The following NBPF26 variants were observed in gnomAD, a reference collection of about 807,000 sequenced individuals.
NBPF26 encodes NBPF member 26.
Under a neutral mutation model 119.6 loss-of-function variants are expected in NBPF26, and 79 were observed. The observed-to-expected ratio is 0.66, with a 90% CI of 0.55 to 0.80. NBPF26 has a LOEUF of 0.80. Among genes scored for constraint, NBPF26 ranks in the 30% least tolerant of loss-of-function variants. The pLI, the probability that NBPF26 is intolerant of heterozygous loss-of-function variation, is 0.00. For synonymous variants in NBPF26, 299 were observed against 457.7 expected (o/e 0.65, Z 4.43); for missense variants, 800 against 1,198.2 (o/e 0.67, Z 4.91).
chr1:120,822,371 CTG>C (rs1652137433), intron 16 of NBPF26, 104 bp downstream of exon 16: 1 of 680,928 alleles, frequency 1.5e-6, no homozygotes, highest in Admixed American at 3.3e-5. Context: ...TTTGCCATCA[CTG>C]TGGGCTGAAC....
At chr1:120,825,412 T>C (rs2101541159) in intron 18 of NBPF26, among the ~76,000 whole-genome samples, 102 bp from the exon 20 acceptor site, 2 of 120,914 alleles carry the variant, frequency 1.7e-5, no homozygotes, top group East Asian at 4.2e-4. Context: ...ATCTGTCCTT[T>C]TTCTTTTTAA....
chr1:120,840,407 T>C (rs1571050231), exon 30 of NBPF26: 4 of 1,465,252 alleles, frequency 2.7e-6, no homozygotes, highest in Non-Finnish European at 3.7e-6. Flanking sequence ...ACTCACTGGA[T>C]ATATGTTATT....
At chr1:120,730,937 C>T (rs1249185617) in intron 1 of NBPF26, among the ~76,000 whole-genome samples, 1 of 21,596 alleles carries the variant, frequency 4.6e-5, no homozygotes, top group Non-Finnish European at 7.9e-5. Context: ...GTGTGGGAAT[C>T]ATTGACCAAG....
rs1351284813 is a variant in NBPF26, at chr1:120,777,456, C to T, written c.156-7518C>T. Reference sequence around the variant, plus strand: ...ATAAAAGTGTGTATGTGTGTGTGTACGTGTGTGAGAGTGAGAGATTGTATA... The same window carrying T: ...ATAAAAGTGTGTATGTGTGTGTGTATGTGTGTGAGAGTGAGAGATTGTATA... On this transcript the variant is annotated intron_variant, in intron 2 of 29. Coordinates refer to ENST00000620612, the Ensembl canonical transcript of NBPF26. 7.6e-5 allele frequency among the ~76,000 whole-genome samples: 8 copies of T among 105,258 alleles called. 1 individual carries two copies. Among genetic ancestry groups the T allele is most frequent in the East Asian group, 4.8e-4 (2 of 4,156 alleles). The allele number at this position is 105,258 out of a possible 152,430, so 69.1% of individuals were successfully genotyped here.
At chr1:120,810,277 C>CT in intron 8 of NBPF26, 70 bp from the exon 9 acceptor site, 1 of 1,461,124 alleles carries the variant, frequency 6.8e-7, no homozygotes, top group Non-Finnish European at 9.3e-7. Context: ...TCAAAACCAG[C>CT]TAGGACTCCA....
intron 17 of NBPF26, among the ~76,000 whole-genome samples, 174 bp from the exon 18 acceptor site, chr1:120,823,800 T>C (rs1183857832): frequency 0.046 from 4,442 of 96,844 alleles, 1,023 homozygotes; most frequent in African/African-American, 0.21. Flanking sequence ...GTCTTTCATC[T>C]TTTTCTACCT....
rs1343472490 is a variant in NBPF26, at chr1:120,789,521, C to G, written c.416-3640C>G. Reference sequence around the variant, plus strand: ...AAAGCAGAACCCCTGAGGAACCCATCAGATCTCATGAGACTTATTCACTAT... The same window carrying G: ...AAAGCAGAACCCCTGAGGAACCCATGAGATCTCATGAGACTTATTCACTAT... On this transcript the variant is annotated intron_variant, in intron 3 of 29. Coordinates refer to ENST00000620612, the Ensembl canonical transcript of NBPF26. Among the ~76,000 whole-genome samples, 13 of 111,884 alleles carry G rather than the reference C, an allele frequency of 1.2e-4. 4 individuals are homozygous for G. Among genetic ancestry groups the G allele is most frequent in the African/African-American group, 6.6e-4 (12 of 18,170 alleles). The allele number at this position is 111,884 out of a possible 152,430, so 73.4% of individuals were successfully genotyped here.
chr1:120,801,547 G>C (rs1651581708), intron 4 of NBPF26, among the ~76,000 whole-genome samples: 1 of 92,810 alleles, frequency 1.1e-5, no homozygotes, highest in Admixed American at 1.1e-4. Context: ...AAGCATTTCA[G>C]GGCCAGGCTC....
rs1228456696 is a variant in NBPF26 at position 120,816,991 on chromosome 1, T to C, written c.2371+164T>C. ...TCCTTCTCAGCTAATGTCATGACTTTGTCTGCCAGTCCCCAGTATCAAGTT... is the reference window on the plus strand; with the variant it reads ...TCCTTCTCAGCTAATGTCATGACTTCGTCTGCCAGTCCCCAGTATCAAGTT... On this transcript the variant is annotated intron_variant, in intron 14 of 29. Coordinates refer to ENST00000620612, the Ensembl canonical transcript of NBPF26. Among the ~76,000 whole-genome samples, 3 of 120,058 alleles carry C rather than the reference T, an allele frequency of 2.5e-5. 1 individual carries two copies. The highest frequency in any genetic ancestry group is 4.9e-5 in the Non-Finnish European group (3 of 61,216). 78.8% of individuals were successfully genotyped at this position (120,058 alleles called of 152,430 possible). A position where few individuals can be genotyped will look rare whatever the true frequency, so the allele number is the denominator to read the frequency against.
Position 120,759,269 on chromosome 1 carries a change from T to A in NBPF26, c.74-4359T>A, listed in dbSNP as rs1191728778. ...TTGAAATCTACTACTTCTTTTTGCT[T>A]TTTTTTTTTTTTTTTTTTTTTGGTG... On this transcript the variant is annotated intron_variant, in intron 1 of 29. Coordinates refer to ENST00000620612, the Ensembl canonical transcript of NBPF26. 2.8e-4 allele frequency among the ~76,000 whole-genome samples: 15 copies of A among 52,884 alleles called. No homozygotes were observed. In the East Asian group the frequency reaches 5.3e-3, roughly 19 times the overall value. 34.7% of individuals were successfully genotyped at this position (52,884 alleles called of 152,430 possible).
chr1:120,751,733 CT>C (rs1206552487), intron 1 of NBPF26, among the ~76,000 whole-genome samples: 6 of 5,838 alleles, frequency 1.0e-3, no homozygotes, highest in Admixed American at 7.4e-3. Context: ...TTTTTTCTTT[CT>C]TTTTTTTCTT....
intron 3 of NBPF26, among the ~76,000 whole-genome samples, chr1:120,792,471 AG>A (rs1651502353): frequency 1.0e-5 from 1 of 100,114 alleles, no homozygotes. Flanking sequence ...TTGCCAAGAT[AG>A]GGAGAGTTCA....
chr1:120,804,654 A>T (rs1377914139), intron 4 of NBPF26, among the ~76,000 whole-genome samples: 1 of 120,350 alleles, frequency 8.3e-6, no homozygotes, highest in African/African-American at 4.4e-5. Flanking sequence ...TATAAGTGAC[A>T]AGTTTAAAAT....
exon 3 of NBPF26, chr1:120,785,124 G>A (rs1651407081): frequency 6.9e-7 from 1 of 1,446,510 alleles, no homozygotes. Flanking sequence ...AGGACTGCCA[G>A]TACTCGACAC....
exon 30 of NBPF26, chr1:120,840,604 C>T (rs1557994163): frequency 2.1e-6 from 3 of 1,461,710 alleles, no homozygotes; most frequent in South Asian, 1.2e-5. Flanking sequence ...GCAGCCCTTA[C>T]TAAGCCGAGA....
Position 120,748,138 on chromosome 1 carries a change from T to TA in NBPF26, c.74-15487dup, listed in dbSNP as rs1192865346. ...CTTTTTTTTTTTTTTTTTTTTTTTT[T>TA]AAAGTCTTTCCACCTTAACTAGCAA... On this transcript the variant is annotated intron_variant, in intron 1 of 29. Transcript: ENST00000620612. Among the ~76,000 whole-genome samples the TA allele has an allele frequency of 2.0e-4, 10 of 51,074 alleles. 1 individual carries two copies. Among genetic ancestry groups the TA allele is most frequent in the African/African-American group, 1.2e-3 (9 of 7,626 alleles). The allele number at this position is 51,074 out of a possible 152,430, so 33.5% of individuals were successfully genotyped here.
rs1321307236 is a variant in NBPF26 at position 120,812,207 on chromosome 1, G to A, written c.1774+112G>A. ...TAATGTCATCCTCCCCGTACTTCTAGGAAAACAGAAATGGGTATTTTAACA... is the reference window on the plus strand; with the variant it reads ...TAATGTCATCCTCCCCGTACTTCTAAGAAAACAGAAATGGGTATTTTAACA... On this transcript the variant is annotated intron_variant, in intron 10 of 29. Coordinates refer to ENST00000620612, the Ensembl canonical transcript of NBPF26. The A allele has an allele frequency of 2.4e-3, 1,780 of 755,736 alleles. 203 individuals carry two copies. Among genetic ancestry groups the A allele is most frequent in the East Asian group, 0.013 (498 of 39,708 alleles). 46.8% of individuals were successfully genotyped at this position (755,736 alleles called of 1,614,324 possible). A position where few individuals can be genotyped will look rare whatever the true frequency, so the allele number is the denominator to read the frequency against.
chr1:120,812,875 A>G (rs1307811240), intron 10 of NBPF26, among the ~76,000 whole-genome samples: 1 of 111,832 alleles, frequency 8.9e-6, no homozygotes, highest in Non-Finnish European at 1.7e-5. Flanking sequence ...GTGAGCCAAG[A>G]TTTTGCCATT....
chr1:120,822,856 T>A (rs1415378024), intron 16 of NBPF26, among the ~76,000 whole-genome samples: 1 of 119,352 alleles, frequency 8.4e-6, no homozygotes, highest in Non-Finnish European at 1.7e-5. Context: ...TAATAGCTGA[T>A]GCTTCTGTGT....
Sources: gnomAD v4.1 joint callset for allele counts (sites outside exome capture counted in the v4.1 genomes callset) on GRCh38, gnomAD v4.1.1 for gene constraint, MANE v1.5 for transcripts, NCBI Gene and HGNC (gene_info 2026-07-23, HGNC 2026-07-21) for gene names.